The following SYNGR1 variants were observed in gnomAD, a reference collection of about 807,000 sequenced individuals.
SYNGR1 encodes synaptogyrin-1.
A neutral mutation model predicts 26.1 loss-of-function variants in SYNGR1; 14 were observed. That is an observed-to-expected ratio of 0.54 (90% CI 0.35 to 0.84). The LOEUF (loss-of-function observed/expected upper bound fraction) is 0.84, where lower values mean the gene tolerates loss of function less well. Among genes scored for constraint, SYNGR1 ranks in the 40% least tolerant of loss-of-function variants. The pLI is 0.01. For missense variants in SYNGR1, 319 were observed against 332.9 expected, an observed-to-expected ratio of 0.96 and a Z score of 0.33; for synonymous variants, 141 against 150.1, an observed-to-expected ratio of 0.94 and a Z score of 0.44.
At chr22:39,368,689 C>T (rs1478049945) in intron 1 of SYNGR1, among the ~76,000 whole-genome samples, 1 of 152,196 alleles carries the variant, frequency 6.6e-6, no homozygotes, top group East Asian at 1.9e-4. Flanking sequence ...GCCCAGGCTT[C>T]TGCCTGCCTG....
chr22:39,363,400 G>A (rs1237488578), intron 1 of SYNGR1, among the ~76,000 whole-genome samples: 2 of 152,078 alleles, frequency 1.3e-5, no homozygotes, highest in African/African-American at 2.4e-5. Context: ...GGAGAGGGGT[G>A]ACAGTGGCCT....
Position 39,384,837 on chromosome 22 carries a change from G to A in SYNGR1, c.*2923G>A. Reference sequence around the variant, plus strand: ...GACGCTTAGAGTCGGCAGAGTCTGGGGTAGGGAGACAGCGACTTGTCCAAG... The same window carrying A: ...GACGCTTAGAGTCGGCAGAGTCTGGAGTAGGGAGACAGCGACTTGTCCAAG... On this transcript the variant is annotated 3_prime_UTR_variant, in exon 4 of 4. Coordinates refer to ENST00000328933, the MANE Select transcript of SYNGR1 (RefSeq NM_004711.5). The A allele has an allele frequency of 2.5e-6, 1 of 399,060 alleles. No individual in the cohort carries two copies. The highest frequency in any genetic ancestry group is 4.4e-6 in the Non-Finnish European group (1 of 226,138). The allele number at this position is 399,060 out of a possible 1,614,324, so 24.7% of individuals were successfully genotyped here.
chr22:39,358,088 C>CT (rs1924259318), intron 1 of SYNGR1, among the ~76,000 whole-genome samples: 1 of 152,242 alleles, frequency 6.6e-6, no homozygotes, highest in Non-Finnish European at 1.5e-5. Context: ...CGTGGAGAGT[C>CT]TTTATGTCTA....
chr22:39,371,337 G>A (rs1925007890), intron 1 of SYNGR1, among the ~76,000 whole-genome samples: 1 of 152,078 alleles, frequency 6.6e-6, no homozygotes, highest in Non-Finnish European at 1.5e-5. Flanking sequence ...TTAGCCGGAT[G>A]TGGTGGCGCA....
At chr22:39,360,395 C>T (rs1301955515) in intron 1 of SYNGR1, among the ~76,000 whole-genome samples, 1 of 152,186 alleles carries the variant, frequency 6.6e-6, no homozygotes, top group Non-Finnish European at 1.5e-5. Flanking sequence ...CGGTCTCCCA[C>T]ACGCACTCCC....
chr22:39,354,178 TCTA>T (rs926903132), intron 1 of SYNGR1, among the ~76,000 whole-genome samples: 2 of 152,278 alleles, frequency 1.3e-5, no homozygotes, highest in Non-Finnish European at 2.9e-5. Flanking sequence ...TCTTTAATTC[TCTA>T]CTTTGACAAA....
intron 1 of SYNGR1, among the ~76,000 whole-genome samples, chr22:39,368,897 C>T (rs754820007): frequency 1.3e-5 from 2 of 152,170 alleles, no homozygotes; most frequent in Admixed American, 6.5e-5. Context: ...AGGAAATGAA[C>T]GTTATGCAGC....
intron 1 of SYNGR1, among the ~76,000 whole-genome samples, chr22:39,353,418 A>G (rs1924006464): frequency 6.6e-6 from 1 of 152,044 alleles, no homozygotes; most frequent in African/African-American, 2.4e-5. Flanking sequence ...GACTCAAGTG[A>G]TCCTCCCACC....
Position 39,382,305 on chromosome 22 carries a change from A to T in SYNGR1, c.*391A>T. The T allele has an allele frequency of 3.0e-6, 1 of 335,154 alleles. No homozygotes were observed. Among genetic ancestry groups the T allele is most frequent in the Non-Finnish European group, 5.7e-6 (1 of 173,934 alleles). The allele number at this position is 335,154 out of a possible 1,614,324, so 20.8% of individuals were successfully genotyped here. ...AGCCCTGGTGGTACCAGAGGCCAGA[A>T]TGGTGGGAAAGACAGATCCAGATAA... On this transcript the variant is annotated 3_prime_UTR_variant, in exon 4 of 4. Transcript: ENST00000328933.
At chr22:39,364,117 C>T in intron 1 of SYNGR1, 1 of 1,607,802 alleles carries the variant, frequency 6.2e-7, no homozygotes, top group Non-Finnish European at 8.5e-7. Flanking sequence ...ATACCATCTC[C>T]CCTCAAGTAA....
At chr22:39,373,043 T>C (rs1305148714) in intron 1 of SYNGR1, among the ~76,000 whole-genome samples, 1 of 152,012 alleles carries the variant, frequency 6.6e-6, no homozygotes, top group East Asian at 1.9e-4. Context: ...TATCCTGTAG[T>C]GGGGTCAGTG....
chr22:39,353,343 G>C (rs895723416), intron 1 of SYNGR1, among the ~76,000 whole-genome samples: 1 of 152,042 alleles, frequency 6.6e-6, no homozygotes, highest in Non-Finnish European at 1.5e-5. Flanking sequence ...GACCTGGCTT[G>C]TCTCTTTTTT....
intron 1 of SYNGR1, among the ~76,000 whole-genome samples, chr22:39,353,940 T>A (rs941315803): frequency 6.6e-6 from 1 of 152,202 alleles, no homozygotes; most frequent in Non-Finnish European, 1.5e-5. Flanking sequence ...CTTGGCTCAC[T>A]GCAACCTCTG....
At chr22:39,364,089 T>A (rs1475457283) in intron 1 of SYNGR1, 2 of 1,584,216 alleles carry the variant, frequency 1.3e-6, no homozygotes, top group Admixed American at 3.5e-5. Context: ...CCCTGGGTGG[T>A]CTGTCTGCAG....
Position 39,374,435 on chromosome 22 carries a change from C to T in SYNGR1, c.219C>T (p.Ala73=), listed in dbSNP as rs570397080. Residue 73 remains alanine (A), a synonymous_variant, in exon 2 of 4, where the codon GCC becomes GCT. Transcript: ENST00000328933. ...CCAACGCCTGCAGCTATGGCGTGGC[C>T]GTGGGCGTGCTCGCCTTCCTCACCT... The part of the protein sequence containing the change: ...RNPNACSYGV[A]VGVLAFLTCL... 306 of 1,613,996 alleles carry T rather than the reference C, an allele frequency of 1.9e-4. 3 individuals are homozygous for T. The South Asian group carries it at 2.5e-3, about 13-fold the overall frequency.
intron 2 of SYNGR1, chr22:39,374,810 C>T (rs1239381045): frequency 9.0e-6 from 5 of 555,130 alleles, no homozygotes; most frequent in Non-Finnish European, 1.6e-5. Flanking sequence ...GTCTAAGGGA[C>T]CCATGGATGG....
chr22:39,381,909 T>C lies in SYNGR1; in HGVS notation c.697T>C (p.Tyr233His), dbSNP rs1437794019. The C allele has an allele frequency of 6.2e-7, 1 of 1,609,552 alleles. No individual in the cohort carries two copies. Among genetic ancestry groups the C allele is most frequent in the Non-Finnish European group, 8.5e-7 (1 of 1,178,528 alleles). The change falls in exon 4 of 4, where the codon TAC (tyrosine) becomes CAC (histidine). Residue 233 changes from tyrosine (Y) to histidine (H), a missense_variant. Tyr to His is a moderately conservative substitution (Grantham distance 83). Coordinates refer to ENST00000328933, the MANE Select transcript of SYNGR1 (RefSeq NM_004711.5). ...TEPQGYQSQG[Y>H] ...GCCCCAGGGCTACCAGTCGCAGGGCTACTGAGCCACAGTGACCGCCTGCCC... is the reference window on the plus strand; with the variant it reads ...GCCCCAGGGCTACCAGTCGCAGGGCCACTGAGCCACAGTGACCGCCTGCCC...
At chr22:39,359,783 G>T (rs1045796188) in intron 1 of SYNGR1, among the ~76,000 whole-genome samples, 1 of 151,724 alleles carries the variant, frequency 6.6e-6, no homozygotes, top group Non-Finnish European at 1.5e-5. Context: ...GGTCTTGTCC[G>T]CCAGCCTCAG....
At position 39,376,131 on chromosome 22, in the gene SYNGR1, A is replaced by G. The variant is rs1396612051; in HGVS notation, c.417A>G (p.Pro139=). The G allele has an allele frequency of 6.2e-7, 1 of 1,613,960 alleles. No individual in the cohort carries two copies. The highest frequency in any genetic ancestry group is 1.3e-5 in the African/African-American group (1 of 74,882). Residue 139 remains proline (P), a synonymous_variant, in exon 3 of 4, where the codon CCA becomes CCG. Coordinates refer to ENST00000328933, the MANE Select transcript of SYNGR1 (RefSeq NM_004711.5). ...AGGTCTCCAAGCCCAAGGACAACCC[A>G]CTGAACGAAGGGACGGACGCAGCCC... is the stretch of plus-strand genomic sequence containing the variant. The part of the protein sequence containing the change: ...QWQVSKPKDN[P]LNEGTDAARA...
Sources: gnomAD v4.1 joint callset for allele counts (sites outside exome capture counted in the v4.1 genomes callset) on GRCh38, gnomAD v4.1.1 for gene constraint, MANE v1.5 for transcripts, NCBI Gene and HGNC (gene_info 2026-07-23, HGNC 2026-07-21) for gene names.